COL4A6: variants seen among roughly 807,000 people sequenced by gnomAD.
COL4A6 encodes collagen alpha-6(IV) chain.
A neutral mutation model predicts 126.7 loss-of-function variants in COL4A6; 59 were observed. That is an observed-to-expected ratio of 0.47 (90% CI 0.38 to 0.58). The LOEUF (loss-of-function observed/expected upper bound fraction) is 0.58, where lower values mean the gene tolerates loss of function less well. Ranked by LOEUF, COL4A6 falls within the 20% of genes least tolerant of loss-of-function variation. The pLI, the probability that COL4A6 is intolerant of heterozygous loss-of-function variation, is 0.00. For synonymous variants in COL4A6, 547 were observed against 496.6 expected (o/e 1.10, Z -1.35); for missense variants, 1,285 against 1,337.3 (o/e 0.96, Z 0.61).
intron 2 of COL4A6, among the ~76,000 whole-genome samples, chrX:108,386,644 A>C (rs997650235): frequency 9.0e-6 from 1 of 111,386 alleles, no homozygotes; most frequent in Non-Finnish European, 1.9e-5. Context: ...GATCACAAAA[A>C]TTTTCTCCCA....
At chrX:108,239,837 T>C (rs960147276) in intron 3 of COL4A6, among the ~76,000 whole-genome samples, 2 of 112,571 alleles carry the variant, frequency 1.8e-5, no homozygotes, top group Non-Finnish European at 3.7e-5. Flanking sequence ...AAGTCACCTG[T>C]TCTTTATTCA....
chrX:108,231,803 A>G (rs1358185609), intron 3 of COL4A6, among the ~76,000 whole-genome samples: 1 of 112,308 alleles, frequency 8.9e-6, no homozygotes, highest in Non-Finnish European at 1.9e-5. Context: ...CACACTTTTC[A>G]TTGGAATAGG....
intron 2 of COL4A6, among the ~76,000 whole-genome samples, chrX:108,355,134 A>T (rs183565050): frequency 5.4e-5 from 6 of 111,642 alleles, no homozygotes; most frequent in African/African-American, 2.0e-4. Flanking sequence ...GATCCATCCA[A>T]GGAGACCCAA....
At chrX:108,332,142 A>G (rs1356126193) in intron 2 of COL4A6, among the ~76,000 whole-genome samples, 1 of 111,590 alleles carries the variant, frequency 9.0e-6, no homozygotes, top group East Asian at 2.8e-4. Context: ...ACTCAGGAAA[A>G]TGGCCCCCAG....
intron 2 of COL4A6, among the ~76,000 whole-genome samples, chrX:108,391,652 G>C (rs2040842244): frequency 8.9e-6 from 1 of 112,210 alleles, no homozygotes; most frequent in Non-Finnish European, 1.9e-5. Context: ...GCACCAGAGG[G>C]AATCTCCTGG....
intron 3 of COL4A6, among the ~76,000 whole-genome samples, chrX:108,293,324 A>G (rs2038227738): frequency 9.0e-6 from 1 of 111,727 alleles, no homozygotes; most frequent in Non-Finnish European, 1.9e-5. Flanking sequence ...TAATTAATAC[A>G]TAATAAAGCC....
intron 3 of COL4A6, among the ~76,000 whole-genome samples, chrX:108,227,964 T>A (rs1352862086): frequency 4.5e-5 from 5 of 112,121 alleles, no homozygotes; most frequent in Non-Finnish European, 9.4e-5. Context: ...AAACATCTGA[T>A]CACAGAATCA....
At chrX:108,313,177 A>C (rs1378437428) in intron 2 of COL4A6, among the ~76,000 whole-genome samples, 1 of 111,950 alleles carries the variant, frequency 8.9e-6, no homozygotes, top group Non-Finnish European at 1.9e-5. Flanking sequence ...GCAGGCTTCC[A>C]GGGAACATGA....
At chrX:108,207,258 A>G (rs1291676855) in intron 8 of COL4A6, among the ~76,000 whole-genome samples, 10 of 106,792 alleles carry the variant, frequency 9.4e-5, no homozygotes, top group African/African-American at 3.4e-4. Flanking sequence ...GTTCACACTT[A>G]TAAGTGGGAG....
chrX:108,417,887 A>G (rs2041463584), intron 2 of COL4A6, among the ~76,000 whole-genome samples: 1 of 112,117 alleles, frequency 8.9e-6, no homozygotes, highest in African/African-American at 3.2e-5. Flanking sequence ...TATTTGAGAA[A>G]CACTGACATA....
chrX:108,379,193 C>G (rs1384245612), intron 2 of COL4A6, among the ~76,000 whole-genome samples: 6 of 111,750 alleles, frequency 5.4e-5, no homozygotes, highest in African/African-American at 2.0e-4. Context: ...CTTTTTTCAC[C>G]CTGTTTTATG....
At chrX:108,305,188 G>A (rs2038595428) in intron 3 of COL4A6, among the ~76,000 whole-genome samples, 1 of 112,224 alleles carries the variant, frequency 8.9e-6, no homozygotes, top group South Asian at 3.7e-4. Flanking sequence ...AAAAATAGAA[G>A]CAAGTCAACA....
At chrX:108,240,409 T>A (rs1312378592) in intron 3 of COL4A6, among the ~76,000 whole-genome samples, 1 of 112,574 alleles carries the variant, frequency 8.9e-6, no homozygotes, top group African/African-American at 3.2e-5. Flanking sequence ...AAAATTTTTA[T>A]CTATAAAATG....
intron 3 of COL4A6, among the ~76,000 whole-genome samples, chrX:108,221,916 A>G (rs764026742): frequency 8.9e-6 from 1 of 112,706 alleles, no homozygotes; most frequent in South Asian, 3.7e-4. Context: ...CACTGCACCT[A>G]GTAGCAGACA....
At chrX:108,211,855 T>C (rs2035714692) in intron 6 of COL4A6, 115 bp from the exon 7 acceptor site, 1 of 729,045 alleles carries the variant, frequency 1.4e-6, no homozygotes, top group South Asian at 2.7e-5. Context: ...TGTGGCTTTT[T>C]CTATGGCAAA....
At chrX:108,391,437 T>C (rs1421572668) in intron 2 of COL4A6, among the ~76,000 whole-genome samples, 1 of 111,604 alleles carries the variant, frequency 9.0e-6, no homozygotes. Flanking sequence ...TGCTGAGCTG[T>C]GGTGGGCTCT....
upstream of COL4A6, among the ~76,000 whole-genome samples, chrX:108,438,898 ATGT>A (rs2064325761): frequency 8.9e-6 from 1 of 112,708 alleles, no homozygotes; most frequent in Non-Finnish European, 1.9e-5. Flanking sequence ...GAAGATAGAA[ATGT>A]TGTGAAGAAT....
chrX:108,319,740 G>A (rs987300486), intron 2 of COL4A6, among the ~76,000 whole-genome samples: 6 of 112,232 alleles, frequency 5.3e-5, no homozygotes, highest in Non-Finnish European at 1.1e-4. Flanking sequence ...AGTAGTCCAG[G>A]ATAGCCAATT....
chrX:108,356,147 A>G (rs899457554), intron 2 of COL4A6, among the ~76,000 whole-genome samples: 6 of 79,611 alleles, frequency 7.5e-5, no homozygotes, highest in Non-Finnish European at 1.3e-4. Context: ...CCCTTCCTGT[A>G]TCCATGTGTT....
Sources: allele counts gnomAD v4.1 joint callset (sites outside exome capture counted in the v4.1 genomes callset), GRCh38; gene constraint gnomAD v4.1.1; transcripts MANE v1.5; gene names NCBI Gene and HGNC (gene_info 2026-07-23, HGNC 2026-07-21).